The following PDE6A variants were observed in gnomAD, a reference collection of about 807,000 sequenced individuals.
The protein encoded by PDE6A is phosphodiesterase 6A, also known as rod cGMP-specific 3',5'-cyclic phosphodiesterase subunit alpha.
A neutral mutation model predicts 106.3 loss-of-function variants in PDE6A; 84 were observed. The observed-to-expected ratio is 0.79, with a 90% CI of 0.66 to 0.95. The LOEUF (loss-of-function observed/expected upper bound fraction) is 0.95. PDE6A is among the 40% of genes least tolerant of loss of function. The pLI is 0.00. For synonymous variants in PDE6A, 394 were observed against 386.6 expected, an observed-to-expected ratio of 1.02 and a Z score of -0.23; for missense variants, 1,052 against 1,084.9, an observed-to-expected ratio of 0.97 and a Z score of 0.43.
At chr5:149,895,631 A>AG (rs769894324) in intron 12 of PDE6A, among the ~76,000 whole-genome samples, 1 of 144,014 alleles carries the variant, frequency 6.9e-6, no homozygotes, top group African/African-American at 2.9e-5. Context: ...AGGGCTCTAC[A>AG]GGGAAAAAAA....
intron 3 of PDE6A, 37 bp from the exon 4 acceptor site, chr5:149,931,205 G>A (rs1754025217): frequency 1.2e-6 from 2 of 1,606,224 alleles, no homozygotes; most frequent in Non-Finnish European, 8.5e-7. Flanking sequence ...AGGTTTTGAG[G>A]TGCAAAGTAG....
At chr5:149,907,685 C>T (rs903450238) in intron 6 of PDE6A, among the ~76,000 whole-genome samples, 24 of 152,208 alleles carry the variant, frequency 1.6e-4, no homozygotes, top group African/African-American at 5.8e-4. Context: ...TCACTTCCCT[C>T]ATAAAGTTAG....
chr5:149,899,509 C>T lies in PDE6A; in HGVS notation c.1129G>A (p.Glu377Lys), dbSNP rs1752888092. The change falls in exon 9 of 22, where the codon GAG (glutamate) becomes AAG (lysine). Residue 377 changes from glutamate (E) to lysine (K), a missense_variant. By Grantham distance (56) the Glu-to-Lys change is moderately conservative. This residue lies in a region of PDE6A where 913 missense variants were observed against 915.2 expected (regional missense o/e 1.00). Transcript: ENST00000255266. Reference sequence around the variant, plus strand: ...ACATTTTTAATCATCCATCCAGACTCATCCAGAGGTTCTTTCTACAAGAGA... The same window carrying T: ...ACATTTTTAATCATCCATCCAGACTTATCCAGAGGTTCTTTCTACAAGAGA... ...FFAFQKEPLD[E>K]SGWMIKNVLS... The T allele has an allele frequency of 1.2e-6, 2 of 1,614,190 alleles. No individual in the cohort carries two copies. The highest frequency in any genetic ancestry group is 1.7e-6 in the Non-Finnish European group (2 of 1,180,018).
chr5:149,884,334 GTA>G lies in PDE6A; in HGVS notation c.2027+143_2027+144del, dbSNP rs111522679. ...TATATATGTATATATGTGTATATAT[GTA>G]TATATATGTGTGTATATATGTGTAT... On this transcript the variant is annotated intron_variant, in intron 16 of 21. Transcript: ENST00000255266. 322 of 622,340 alleles carry G rather than the reference GTA, an allele frequency of 5.2e-4. 1 individual carries two copies. The highest frequency in any genetic ancestry group is 2.8e-3 in the East Asian group (94 of 34,090). 38.6% of individuals were successfully genotyped at this position (622,340 alleles called of 1,614,324 possible).
intron 1 of PDE6A, among the ~76,000 whole-genome samples, chr5:149,943,781 A>G (rs28433609): frequency 0.22 from 33,433 of 151,136 alleles, 4,255 homozygotes; most frequent in African/African-American, 0.34. Flanking sequence ...GTACTGTGGA[A>G]GTACTGTGTA....
chr5:149,897,389 C>T lies in PDE6A; in HGVS notation c.1408-613G>A, dbSNP rs116497826. On this transcript the variant is annotated intron_variant, in intron 10 of 21. Coordinates refer to ENST00000255266, the MANE Select transcript of PDE6A (RefSeq NM_000440.3). ...ATTTGTTAACTTGTAACTGGTTCAC[C>T]GAGGCTGTGCCCCGATAGGTTGCAC... is the stretch of plus-strand genomic sequence containing the variant. Among the ~76,000 whole-genome samples the T allele has an allele frequency of 6.0e-3, 911 of 152,204 alleles. 7 individuals are homozygous for T. Among genetic ancestry groups the T allele is most frequent in the African/African-American group, 0.021 (869 of 41,526 alleles).
chr5:149,894,139 T>G (rs1350023879), intron 13 of PDE6A, among the ~76,000 whole-genome samples: 1 of 152,100 alleles, frequency 6.6e-6, no homozygotes, highest in Non-Finnish European at 1.5e-5. Flanking sequence ...CTCTAAAAAG[T>G]GGATGAGAAG....
rs917690499 is a variant in PDE6A at position 149,863,719 on chromosome 5, G to C, written c.2359-453C>G. 6.6e-6 allele frequency among the ~76,000 whole-genome samples: 1 copy of C among 152,108 alleles called. No homozygotes were observed. The highest frequency in any genetic ancestry group is 1.5e-5 in the Non-Finnish European group (1 of 68,014). On this transcript the variant is annotated intron_variant, in intron 20 of 21. Transcript: ENST00000255266. The surrounding 1 kb of genome is among the most constrained non-coding windows in gnomAD (Gnocchi z 4.7). The stretch of plus-strand genomic sequence containing the variant: ...GCTCACTGCAGCCTCAAACTCCTGG[G>C]CTCAACCCATCCTCCCACCTCAGCC...
chr5:149,926,407 A>T (rs781517328), intron 4 of PDE6A, among the ~76,000 whole-genome samples: 1 of 152,106 alleles, frequency 6.6e-6, no homozygotes, highest in South Asian at 2.1e-4. Context: ...TCTTTTCAAT[A>T]AACAGTGCTG....
rs533323466 is a variant in PDE6A at position 149,896,819 on chromosome 5, A to G, written c.1408-43T>C. 158 of 1,603,414 alleles carry G rather than the reference A, an allele frequency of 9.9e-5. 1 individual carries two copies. In the South Asian group the frequency reaches 1.7e-3, roughly 17 times the overall value. On this transcript the variant is annotated intron_variant, in intron 10 of 21. Transcript: ENST00000255266. ...GGCAGGGGAAAAAAAATAGGTTACA[A>G]CATGCCTCCGCGTTTCCATTCCCAT...
At chr5:149,869,532 T>C (rs549330754) in intron 17 of PDE6A, among the ~76,000 whole-genome samples, 2 of 152,082 alleles carry the variant, frequency 1.3e-5, no homozygotes, top group South Asian at 2.1e-4. Flanking sequence ...GGGGGTGGAT[T>C]TGAGAAAACA....
chr5:149,919,231 G>A (rs1181482385), intron 5 of PDE6A, among the ~76,000 whole-genome samples: 6 of 152,160 alleles, frequency 3.9e-5, no homozygotes, highest in African/African-American at 1.4e-4. Flanking sequence ...TCTAGGCCGG[G>A]TGCGGTGGCT....
chr5:149,915,935 T>G (rs1753537147), intron 5 of PDE6A, among the ~76,000 whole-genome samples: 1 of 152,236 alleles, frequency 6.6e-6, no homozygotes, highest in Non-Finnish European at 1.5e-5. Flanking sequence ...AGACCCTTAC[T>G]GGTGTCAATG....
At chr5:149,875,731 C>T in intron 17 of PDE6A, among the ~76,000 whole-genome samples, 1 of 152,150 alleles carries the variant, frequency 6.6e-6, no homozygotes, top group East Asian at 1.9e-4. Context: ...TCAAGCCATC[C>T]TCTCGCCTCA....
intron 7 of PDE6A, among the ~76,000 whole-genome samples, chr5:149,904,499 C>A (rs1753110657): frequency 6.6e-6 from 1 of 152,140 alleles, no homozygotes; most frequent in South Asian, 2.1e-4. Context: ...TGCACACAGG[C>A]ATCTGGCTGA....
chr5:149,880,125 T>G (rs577076755), intron 17 of PDE6A, among the ~76,000 whole-genome samples: 56 of 152,332 alleles, frequency 3.7e-4, no homozygotes, highest in African/African-American at 1.3e-3. Context: ...CTTTTTTATC[T>G]TTTTTCTTTT....
intron 17 of PDE6A, among the ~76,000 whole-genome samples, chr5:149,878,124 C>G (rs756440761): frequency 1.2e-4 from 18 of 152,182 alleles, no homozygotes; most frequent in Non-Finnish European, 2.1e-4. Flanking sequence ...GCCTACTGGG[C>G]TGCTTCTTTC....
chr5:149,913,086 T>A (rs893192529), intron 6 of PDE6A, among the ~76,000 whole-genome samples: 1 of 151,916 alleles, frequency 6.6e-6, no homozygotes, highest in Non-Finnish European at 1.5e-5. Flanking sequence ...CTTTAGAAGA[T>A]AATAAGGGAA....
At chr5:149,899,671 C>T in intron 8 of PDE6A, 147 bp from the exon 9 acceptor site, 1 of 829,812 alleles carries the variant, frequency 1.2e-6, no homozygotes, top group Non-Finnish European at 2.1e-6. Flanking sequence ...AGTTTAATTA[C>T]CGACAACTAC....
Sources: gnomAD v4.1 joint callset for allele counts (sites outside exome capture counted in the v4.1 genomes callset) on GRCh38, gnomAD v4.1.1 for gene constraint, gnomAD v4.1.1 regional missense constraint, Gnocchi (gnomAD v3.1) non-coding constraint, MANE v1.5 for transcripts, NCBI Gene and HGNC (gene_info 2026-07-23, HGNC 2026-07-21) for gene names.